The following TEAD1 variants were observed in gnomAD, a reference collection of about 807,000 sequenced individuals.
TEAD1 encodes TEA domain transcription factor 1.
Under a neutral mutation model 54.9 loss-of-function variants are expected in TEAD1, and 9 were observed. That is an observed-to-expected ratio of 0.16 (90% CI 0.10 to 0.29). TEAD1 has a LOEUF of 0.29. Among genes scored for constraint, TEAD1 ranks in the 10% least tolerant of loss-of-function variants. The pLI is 1.00. For synonymous variants in TEAD1, 200 were observed against 187.8 expected (o/e 1.07, Z -0.53); for missense variants, 387 against 535.9 (o/e 0.72, Z 2.74).
chr11:12,896,517 A>G (rs79210328), intron 9 of TEAD1, among the ~76,000 whole-genome samples: 89 of 152,302 alleles, frequency 5.8e-4, no homozygotes, highest in African/African-American at 1.9e-3. Context: ...TTTGATGTTC[A>G]TTATGGTTTT....
rs1564967666 is a variant in TEAD1 at position 12,862,248 on chromosome 11, A to G, written c.203-2A>G. The stretch of plus-strand genomic sequence containing the variant: ...CTCATGGTAAATTCTTCTTTCTTTC[A>G]GGTAGGAATGAATTGATAGCCAGAT... On this transcript the variant is annotated splice_acceptor_variant, in intron 3 of 12. Coordinates refer to ENST00000527636, the MANE Select transcript of TEAD1 (RefSeq NM_021961.6). LOFTEE classifies it high-confidence loss of function. 6.2e-7 allele frequency: 1 copy of G among 1,613,300 alleles called. No individual in the cohort carries two copies. The highest frequency in any genetic ancestry group is 8.5e-7 in the Non-Finnish European group (1 of 1,179,556).
At position 12,717,661 on chromosome 11, in the gene TEAD1, A is replaced by T. The variant is rs192492736; in HGVS notation, c.-55+42100A>T. 1.1e-4 allele frequency among the ~76,000 whole-genome samples: 16 copies of T among 152,280 alleles called. No homozygotes were observed. In the East Asian group the frequency reaches 2.7e-3, roughly 26 times the overall value. ...TTATTTGAAAGTGGGAAGCATCTGGAAGTCAAGGAAGCTTTGTGTGGTGTT... is the reference window on the plus strand; with the variant it reads ...TTATTTGAAAGTGGGAAGCATCTGGTAGTCAAGGAAGCTTTGTGTGGTGTT... On this transcript the variant is annotated intron_variant, in intron 2 of 12. Coordinates refer to ENST00000527636, the MANE Select transcript of TEAD1 (RefSeq NM_021961.6).
At position 12,835,610 on chromosome 11, in the gene TEAD1, G is replaced by A. The variant is rs114244925; in HGVS notation, c.203-26640G>A. The stretch of plus-strand genomic sequence containing the variant: ...GTTGGGATTATAGGCGTGAGCCACC[G>A]TACCCGGTGGCTCTGAGGTTTTTAA... On this transcript the variant is annotated intron_variant, in intron 3 of 12. Transcript: ENST00000527636. 8.6e-3 allele frequency among the ~76,000 whole-genome samples: 1,266 copies of A among 147,318 alleles called. 6 individuals carry two copies. Among genetic ancestry groups the A allele is most frequent in the Middle Eastern group, 0.014 (4 of 292 alleles).
At chr11:12,676,591 G>A (rs925171557) in intron 2 of TEAD1, among the ~76,000 whole-genome samples, 1 of 152,166 alleles carries the variant, frequency 6.6e-6, no homozygotes, top group Non-Finnish European at 1.5e-5. Context: ...AACTTCCTTA[G>A]GAATCTTTTC....
intron 5 of TEAD1, among the ~76,000 whole-genome samples, chr11:12,868,334 A>T (rs1947667257): frequency 6.6e-6 from 1 of 152,206 alleles, no homozygotes; most frequent in Non-Finnish European, 1.5e-5. Flanking sequence ...TTTTAGGCAG[A>T]AGGAAAAGGA....
At chr11:12,742,302 CA>C (rs1300945170) in intron 2 of TEAD1, among the ~76,000 whole-genome samples, 1 of 152,126 alleles carries the variant, frequency 6.6e-6, no homozygotes, top group Non-Finnish European at 1.5e-5. Context: ...ATCTGAATAA[CA>C]GAGATAGTAA....
At chr11:12,719,890 T>C (rs1264986770) in intron 2 of TEAD1, among the ~76,000 whole-genome samples, 1 of 141,706 alleles carries the variant, frequency 7.1e-6, no homozygotes, top group Non-Finnish European at 1.5e-5. Context: ...ATAGTCCAGG[T>C]GGCATGATCT....
At chr11:12,681,008 T>C (rs959584512) in intron 2 of TEAD1, among the ~76,000 whole-genome samples, 1 of 152,204 alleles carries the variant, frequency 6.6e-6, no homozygotes, top group Non-Finnish European at 1.5e-5. Flanking sequence ...TCTGAAACCA[T>C]TGTGAGCCGA....
At chr11:12,742,019 A>G (rs528434488) in intron 2 of TEAD1, among the ~76,000 whole-genome samples, 5 of 152,352 alleles carry the variant, frequency 3.3e-5, no homozygotes, top group African/African-American at 1.2e-4. Context: ...GCCAGCACAC[A>G]GTAGGCAGTT....
At chr11:12,690,055 A>G (rs1450398063) in intron 2 of TEAD1, among the ~76,000 whole-genome samples, 1 of 151,898 alleles carries the variant, frequency 6.6e-6, no homozygotes, top group Non-Finnish European at 1.5e-5. Context: ...CCTGGCTAAC[A>G]TAGTGAAACC....
At chr11:12,692,294 C>G (rs189067407) in intron 2 of TEAD1, among the ~76,000 whole-genome samples, 107 of 152,308 alleles carry the variant, frequency 7.0e-4, no homozygotes, top group African/African-American at 2.6e-3. Context: ...TTCAGAGTTT[C>G]CATTCAGACC....
At chr11:12,688,538 G>C (rs905375619) in intron 2 of TEAD1, among the ~76,000 whole-genome samples, 1 of 152,090 alleles carries the variant, frequency 6.6e-6, no homozygotes, top group African/African-American at 2.4e-5. Context: ...ATTCTTCCTA[G>C]GTGGTTCTGT....
At chr11:12,766,339 T>A (rs1476742227) in intron 3 of TEAD1, among the ~76,000 whole-genome samples, 1 of 152,252 alleles carries the variant, frequency 6.6e-6, no homozygotes, top group Non-Finnish European at 1.5e-5. Flanking sequence ...ATTATATAAA[T>A]ATTTTTATGT....
At chr11:12,723,776 T>C (rs1944259961) in intron 2 of TEAD1, among the ~76,000 whole-genome samples, 1 of 152,234 alleles carries the variant, frequency 6.6e-6, no homozygotes, top group Non-Finnish European at 1.5e-5. Context: ...AATCACAGTA[T>C]TGTAACACAT....
At chr11:12,929,132 A>G (rs911872251) in intron 11 of TEAD1, among the ~76,000 whole-genome samples, 2 of 148,132 alleles carry the variant, frequency 1.4e-5, no homozygotes, top group African/African-American at 2.5e-5. Flanking sequence ...CTGGGAAAGC[A>G]TCTCTATCTG....
chr11:12,713,105 G>A (rs1943979034), intron 2 of TEAD1, among the ~76,000 whole-genome samples: 1 of 152,102 alleles, frequency 6.6e-6, no homozygotes, highest in African/African-American at 2.4e-5. Flanking sequence ...CTGCAGCCTC[G>A]ACCTTAGGGG....
chr11:12,725,045 G>C (rs1944286942), intron 2 of TEAD1, among the ~76,000 whole-genome samples: 1 of 152,192 alleles, frequency 6.6e-6, no homozygotes, highest in Non-Finnish European at 1.5e-5. Flanking sequence ...GCCTGGGCTT[G>C]GTGGTGGCTG....
intron 3 of TEAD1, among the ~76,000 whole-genome samples, chr11:12,840,104 A>G (rs1358415396): frequency 6.6e-6 from 1 of 151,692 alleles, no homozygotes; most frequent in Non-Finnish European, 1.5e-5. Flanking sequence ...AAAATTAGCC[A>G]GGTGTGGTGG....
chr11:12,692,335 T>A lies in TEAD1; in HGVS notation c.-55+16774T>A, dbSNP rs535582990. On this transcript the variant is annotated intron_variant, in intron 2 of 12. Coordinates refer to ENST00000527636, the MANE Select transcript of TEAD1 (RefSeq NM_021961.6). ...TTTTAGCTTCAGTAATACTTTTTTGTTTTGTTGGTGAAACAAAGCTGTATG... is the reference window on the plus strand; with the variant it reads ...TTTTAGCTTCAGTAATACTTTTTTGATTTGTTGGTGAAACAAAGCTGTATG... Among the ~76,000 whole-genome samples the A allele has an allele frequency of 3.9e-5, 6 of 152,312 alleles. No homozygotes were observed. In the South Asian group the frequency reaches 1.0e-3, roughly 26 times the overall value.
Sources: allele counts gnomAD v4.1 joint callset (sites outside exome capture counted in the v4.1 genomes callset), GRCh38; gene constraint gnomAD v4.1.1; transcripts MANE v1.5; gene names NCBI Gene and HGNC (gene_info 2026-07-23, HGNC 2026-07-21).